Variants in FRMPD4 observed in about 807,000 individuals in gnomAD.
FRMPD4 encodes the protein FERM and PDZ domain containing 4.
A neutral mutation model predicts 94.1 loss-of-function variants in FRMPD4; 22 were observed. The observed-to-expected ratio is 0.23, with a 90% CI of 0.17 to 0.33. FRMPD4 has a LOEUF of 0.33. Ranked by LOEUF, FRMPD4 falls within the 10% of genes least tolerant of loss-of-function variation. The probability of loss-of-function intolerance (pLI) is 1.00; values close to 1 mark genes in which losing one functional copy is unlikely to be tolerated. For missense variants in FRMPD4, 1,111 were observed against 1,339.9 expected (o/e 0.83, Z 2.67); for synonymous variants, 631 against 548.6 (o/e 1.15, Z -2.10).
chrX:12,281,765 G>C (rs897761688), intron 1 of FRMPD4, among the ~76,000 whole-genome samples: 24 of 111,940 alleles, frequency 2.1e-4, no homozygotes, highest in African/African-American at 7.8e-4. Flanking sequence ...GAAAGACACT[G>C]TGCTCTGTAG....
At chrX:12,066,952 C>T (rs1212030867) in intron 3 of FRMPD4, among the ~76,000 whole-genome samples, 1 of 108,034 alleles carries the variant, frequency 9.3e-6, no homozygotes, top group Non-Finnish European at 1.9e-5. Flanking sequence ...TCACTGAAAC[C>T]TCCGCCTCCT....
chrX:12,099,413 A>G (rs922403295), intron 3 of FRMPD4, among the ~76,000 whole-genome samples: 1 of 112,267 alleles, frequency 8.9e-6, no homozygotes, highest in Non-Finnish European at 1.9e-5. Context: ...GTAAAGAATC[A>G]TTCAGTTCTT....
At chrX:11,972,035 G>A (rs1169332754) in intron 3 of FRMPD4, among the ~76,000 whole-genome samples, 1 of 111,395 alleles carries the variant, frequency 9.0e-6, no homozygotes, top group African/African-American at 3.3e-5. Context: ...CAATTCTGAG[G>A]GTAGCTGGCT....
At chrX:12,410,387 G>A (rs935156997) in intron 1 of FRMPD4, among the ~76,000 whole-genome samples, 7 of 111,553 alleles carry the variant, frequency 6.3e-5, no homozygotes, top group African/African-American at 2.0e-4. Context: ...GTTAAGATCC[G>A]TCTGTGTTGC....
chrX:11,958,166 G>A (rs752042863), intron 3 of FRMPD4, among the ~76,000 whole-genome samples: 29 of 111,485 alleles, frequency 2.6e-4, no homozygotes, highest in Non-Finnish European at 4.9e-4. Flanking sequence ...AGACTCTCAA[G>A]GACATATGTC....
At chrX:12,316,303 C>T (rs1216535638) in intron 1 of FRMPD4, among the ~76,000 whole-genome samples, 2 of 109,257 alleles carry the variant, frequency 1.8e-5, no homozygotes, top group Middle Eastern at 4.7e-3. Flanking sequence ...CATGCCACCA[C>T]GCACAGCTAA....
intron 1 of FRMPD4, among the ~76,000 whole-genome samples, chrX:12,157,360 T>A (rs768185416): frequency 1.8e-5 from 2 of 111,590 alleles, no homozygotes; most frequent in Non-Finnish European, 3.8e-5. Flanking sequence ...TTCTTTTTTT[T>A]CCTTTGGGGA....
chrX:12,019,339 T>C (rs914568453), intron 3 of FRMPD4, among the ~76,000 whole-genome samples: 3 of 110,204 alleles, frequency 2.7e-5, no homozygotes, highest in Non-Finnish European at 3.8e-5. Context: ...TAAACCACCA[T>C]ACCAGGTTCC....
In FRMPD4 at chrX:12,572,297, C is replaced by G. The variant is rs767568629; in HGVS notation, c.159-37424C>G. ...TTCTTGTGACTTACATTGAACTGTG[C>G]TTATAATTCACTCACCCATTTTTAA... On this transcript the variant is annotated intron_variant, in intron 2 of 16. Transcript: ENST00000675598. Among the ~76,000 whole-genome samples the G allele has an allele frequency of 2.7e-5, 3 of 112,201 alleles. No homozygotes were observed. In the East Asian group the frequency reaches 8.4e-4, roughly 31 times the overall value.
upstream of FRMPD4, among the ~76,000 whole-genome samples, chrX:12,137,824 T>C (rs969746682): frequency 3.6e-5 from 4 of 112,219 alleles, no homozygotes; most frequent in African/African-American, 1.3e-4. Context: ...TTGTTTTGTT[T>C]TTTTCTTCCC....
At chrX:11,901,388 A>T (rs2053936771) in intron 3 of FRMPD4, among the ~76,000 whole-genome samples, 1 of 112,358 alleles carries the variant, frequency 8.9e-6, no homozygotes, top group Non-Finnish European at 1.9e-5. Context: ...ACTTAGAATA[A>T]TGGCCTCCAG....
intron 13 of FRMPD4, among the ~76,000 whole-genome samples, chrX:12,708,200 G>A (rs1023985492): frequency 9.0e-6 from 1 of 111,402 alleles, no homozygotes; most frequent in Non-Finnish European, 1.9e-5. Context: ...GGCCAGGTGC[G>A]GTGGCTGATG....
Position 12,706,923 on chromosome X carries a change from CTT to C in FRMPD4, c.1287+25_1287+26del, listed in dbSNP as rs746601138. On this transcript the variant is annotated intron_variant, in intron 12 of 16. Coordinates refer to ENST00000675598, the MANE Select transcript of FRMPD4 (RefSeq NM_001368397.1). ...TTCAAGGCAACATTAGTGGTAATTT[CTT>C]TTTTTTTTTTTTTTTTGCTTTCTCT... The C allele has an allele frequency of 0.043, 23,907 of 555,006 alleles. No homozygotes were observed. The highest frequency in any genetic ancestry group is 0.054 in the East Asian group (1,260 of 23,520). 45.7% of individuals were successfully genotyped at this position (555,006 alleles called of 1,213,427 possible). A position where few individuals can be genotyped will look rare whatever the true frequency, so the allele number is the denominator to read the frequency against.
chrX:12,062,228 A>G (rs1278174241), intron 3 of FRMPD4, among the ~76,000 whole-genome samples: 1 of 111,874 alleles, frequency 8.9e-6, no homozygotes, highest in Non-Finnish European at 1.9e-5. Flanking sequence ...ACATTTCACT[A>G]GACAATGTAT....
chrX:12,700,458 CAGTA>C (rs758498032), intron 9 of FRMPD4, among the ~76,000 whole-genome samples: 1 of 112,267 alleles, frequency 8.9e-6, no homozygotes, highest in African/African-American at 3.2e-5. Flanking sequence ...TGTGTCTAAG[CAGTA>C]AGTGAGGATA....
chrX:12,230,844 A>G (rs1441747683), intron 1 of FRMPD4, among the ~76,000 whole-genome samples: 1 of 94,505 alleles, frequency 1.1e-5, no homozygotes, highest in Non-Finnish European at 2.1e-5. Flanking sequence ...CTAACTACAA[A>G]GCACTATTAA....
At chrX:12,566,012 G>T (rs1385858172) in intron 2 of FRMPD4, among the ~76,000 whole-genome samples, 2 of 111,697 alleles carry the variant, frequency 1.8e-5, no homozygotes, top group African/African-American at 3.3e-5. Flanking sequence ...TGGTAATGAT[G>T]ATGAATTGGT....
At chrX:12,206,452 C>A (rs1010905219) in intron 1 of FRMPD4, among the ~76,000 whole-genome samples, 2 of 111,607 alleles carry the variant, frequency 1.8e-5, no homozygotes, top group African/African-American at 3.3e-5. Context: ...TGACACAGAC[C>A]CATCTTTCCA....
chrX:12,694,154 G>C (rs1028345188), intron 8 of FRMPD4, among the ~76,000 whole-genome samples, 181 bp from the exon 9 acceptor site: 3 of 111,988 alleles, frequency 2.7e-5, no homozygotes, highest in Admixed American at 9.5e-5. Flanking sequence ...TCTGCTTCTG[G>C]GGAACCCAAC....
Sources: gnomAD v4.1 joint callset for allele counts (sites outside exome capture counted in the v4.1 genomes callset) on GRCh38, gnomAD v4.1.1 for gene constraint, MANE v1.5 for transcripts, NCBI Gene and HGNC (gene_info 2026-07-23, HGNC 2026-07-21) for gene names.